The following NPIPB4 variants were observed in gnomAD, a reference collection of about 807,000 sequenced individuals.
The protein encoded by NPIPB4 is nuclear pore complex-interacting protein family member B4.
For missense variants in NPIPB4, 105 were observed against 513.7 expected (o/e 0.20, Z 7.69); for synonymous variants, 31 against 194.1 (o/e 0.16, Z 6.99).
intron 2 of NPIPB4, among the ~76,000 whole-genome samples, chr16:21,850,694 AG>A (rs1902453111): frequency 4.4e-5 from 5 of 114,430 alleles, no homozygotes; most frequent in Non-Finnish European, 3.5e-5. Flanking sequence ...AAAAAAAAAA[AG>A]TCATCAAACC....
intron 2 of NPIPB4, among the ~76,000 whole-genome samples, chr16:21,847,890 CCT>C (rs1902202995): frequency 4.6e-5 from 1 of 21,738 alleles, no homozygotes; most frequent in Non-Finnish European, 9.8e-5. Flanking sequence ...CTAAAAAAAA[CCT>C]CTTTTTTTTT....
chr16:21,837,407 A>G lies in NPIPB4; in HGVS notation c.980T>C (p.Leu327Pro). Residue 327 changes from leucine to proline, a missense_variant, in exon 8 of 8, where the codon CTC becomes CCC. Physicochemically the swap from Leu to Pro is moderately conservative, Grantham distance 98. Coordinates refer to ENST00000682606, the MANE Select transcript of NPIPB4 (RefSeq NM_001384980.1). ...CGCTGAGGGTGGAAGGGGAGTGAGG[A>G]GACACTCAGGAGGTGTCTTGAGATT... The part of the protein sequence containing the change: ...DDNLKTPPEC[L>P]LTPLPPSADD... 6.8e-7 allele frequency: 1 copy of G among 1,478,390 alleles called. No individual in the cohort carries two copies. The highest frequency in any genetic ancestry group is 8.8e-7 in the Non-Finnish European group (1 of 1,141,018). The allele number at this position is 1,478,390 out of a possible 1,614,324, so 91.6% of individuals were successfully genotyped here. A position where few individuals can be genotyped will look rare whatever the true frequency, so the allele number is the denominator to read the frequency against.
At chr16:21,850,615 T>A (rs1597919183) in intron 2 of NPIPB4, among the ~76,000 whole-genome samples, 1 of 96,760 alleles carries the variant, frequency 1.0e-5, no homozygotes, top group Non-Finnish European at 1.9e-5. Flanking sequence ...GAGGTTGCAG[T>A]GAGCCGAGAT....
intron 2 of NPIPB4, chr16:21,851,211 G>A: frequency 6.1e-6 from 1 of 163,486 alleles, no homozygotes; most frequent in Non-Finnish European, 1.0e-5. Context: ...GGTGGCTTAG[G>A]GCAGGGGGGA....
intron 3 of NPIPB4, among the ~76,000 whole-genome samples, chr16:21,846,021 A>C (rs1902103981): frequency 1.4e-5 from 2 of 138,452 alleles, no homozygotes; most frequent in Non-Finnish European, 3.1e-5. Context: ...CTAAAAATAC[A>C]AAAATTAGCT....
chr16:21,851,753 C>CT, intron 2 of NPIPB4: 1 of 520,094 alleles, frequency 1.9e-6, no homozygotes, highest in Non-Finnish European at 3.4e-6. Flanking sequence ...CAGGTCCTCT[C>CT]TGGAACCTTC....
At chr16:21,840,468 C>A (rs531491398) in intron 5 of NPIPB4, among the ~76,000 whole-genome samples, 154 of 148,674 alleles carry the variant, frequency 1.0e-3, no homozygotes, top group Admixed American at 2.3e-3. Flanking sequence ...CATGATCCAC[C>A]AGCCCGTGTG....
intron 2 of NPIPB4, among the ~76,000 whole-genome samples, chr16:21,850,285 T>TA: frequency 7.0e-6 from 1 of 143,332 alleles, no homozygotes; most frequent in Non-Finnish European, 1.6e-5. Flanking sequence ...ATAAATAAAA[T>TA]AATGTAGATC....
intron 5 of NPIPB4, among the ~76,000 whole-genome samples, chr16:21,840,470 G>A (rs543269047): frequency 0.016 from 2,293 of 147,664 alleles, 4 homozygotes; most frequent in African/African-American, 0.054. Context: ...TGATCCACCA[G>A]CCCGTGTGGG....
chr16:21,842,029 T>A (rs1253004523), intron 5 of NPIPB4, among the ~76,000 whole-genome samples: 1 of 151,450 alleles, frequency 6.6e-6, no homozygotes, highest in African/African-American at 2.4e-5. Flanking sequence ...GCAGCTTGTA[T>A]GGAGGACCCC....
At chr16:21,840,675 T>C in intron 5 of NPIPB4, 1 of 495,942 alleles carries the variant, frequency 2.0e-6, no homozygotes, top group Non-Finnish European at 2.6e-6. Flanking sequence ...GTTCCATAGT[T>C]AGTCCTATTC....
rs1368619604 is a variant in NPIPB4, at chr16:21,840,472, C to T, written c.546-1162G>A. 2.7e-5 allele frequency among the ~76,000 whole-genome samples: 4 copies of T among 148,838 alleles called. 1 individual carries two copies. In the East Asian group the frequency reaches 6.0e-4, roughly 22 times the overall value. ...AAATGCACACACATGATCCACCAGC[C>T]CGTGTGGGATTCCCTCTGCCCTTCT... is the stretch of plus-strand genomic sequence containing the variant. On this transcript the variant is annotated intron_variant, in intron 5 of 7. Transcript: ENST00000682606.
rs747478450 is a variant in NPIPB4 at position 21,837,420 on chromosome 16, G to T, written c.967C>A (p.Pro323Thr). 2 of 1,476,876 alleles carry T rather than the reference G, an allele frequency of 1.4e-6. No individual in the cohort carries two copies. Among genetic ancestry groups the T allele is most frequent in the Non-Finnish European group, 1.8e-6 (2 of 1,139,568 alleles). The allele number at this position is 1,476,876 out of a possible 1,614,324, so 91.5% of individuals were successfully genotyped here. Residue 323 changes from proline to threonine, a missense_variant, in exon 8 of 8, where the codon CCT becomes ACT. Physicochemically the swap from Pro to Thr is conservative, Grantham distance 38 (BLOSUM62 -1). Transcript: ENST00000682606. ...AGGGGAGTGAGGAGACACTCAGGAG[G>T]TGTCTTGAGATTATCATCCGCTGAG... ...PPSADDNLKTPPECLLTPLPP... is the reference protein window; with the variant it reads ...PPSADDNLKTTPECLLTPLPP...
At chr16:21,851,304 G>A (rs1902504996) in intron 2 of NPIPB4, 4 of 176,464 alleles carry the variant, frequency 2.3e-5, no homozygotes, top group Non-Finnish European at 2.9e-5. Context: ...AGGGGAAGGG[G>A]AGGGGAAGGG....
At position 21,837,526 on chromosome 16, in the gene NPIPB4, C is replaced by G. The variant is rs1901583597; in HGVS notation, c.861G>C (p.Glu287Asp). Residue 287 changes from glutamate to aspartate, a missense_variant, in exon 8 of 8, where the codon GAG becomes GAC. Glu to Asp is a conservative substitution (Grantham distance 45, BLOSUM62 2). Transcript: ENST00000682606. ...SADDNLKTPPECVLTPLPPSA... is the reference protein window; with the variant it reads ...SADDNLKTPPDCVLTPLPPSA... ...AGGGTGGAAGGGGAGTGAGCACACA[C>G]TCGGGAGGTGTCTTGAGATTATCAT... 1.8e-6 allele frequency: 1 copy of G among 570,820 alleles called. No individual in the cohort carries two copies. The highest frequency in any genetic ancestry group is 6.4e-5 in the African/African-American group (1 of 15,568). 35.4% of individuals were successfully genotyped at this position (570,820 alleles called of 1,614,324 possible). A position where few individuals can be genotyped will look rare whatever the true frequency, so the allele number is the denominator to read the frequency against.
At chr16:21,850,153 C>T (rs536371078) in intron 2 of NPIPB4, among the ~76,000 whole-genome samples, 6 of 128,038 alleles carry the variant, frequency 4.7e-5, no homozygotes, top group South Asian at 2.7e-4. Context: ...CCCAGCCACT[C>T]GGGAGGCTGA....
chr16:21,840,603 C>CA (rs1161946891), intron 5 of NPIPB4, among the ~76,000 whole-genome samples: 9 of 142,174 alleles, frequency 6.3e-5, no homozygotes, highest in African/African-American at 1.0e-4. Context: ...CATTGAGGGA[C>CA]AAAAAAAAGT....
intron 2 of NPIPB4, among the ~76,000 whole-genome samples, chr16:21,849,611 TCA>T (rs1330595877): frequency 5.3e-5 from 2 of 37,664 alleles, no homozygotes; most frequent in East Asian, 5.6e-4. Context: ...CTGAGTAAGT[TCA>T]GACAGCTTGT....
At chr16:21,853,625 A>C (rs1597921101) in intron 2 of NPIPB4, among the ~76,000 whole-genome samples, 2 of 69,172 alleles carry the variant, frequency 2.9e-5, no homozygotes. Context: ...ATGGAATGAG[A>C]CTCTGTCTCA....
Sources: allele counts gnomAD v4.1 joint callset (sites outside exome capture counted in the v4.1 genomes callset), GRCh38; gene constraint gnomAD v4.1.1; transcripts MANE v1.5; gene names NCBI Gene and HGNC (gene_info 2026-07-23, HGNC 2026-07-21).